CTNNA2: variants seen among roughly 807,000 people sequenced by gnomAD.
CTNNA2 encodes the protein catenin alpha 2, also known as catenin alpha-2.
Under a neutral mutation model 101.0 loss-of-function variants are expected in CTNNA2, and 42 were observed. The ratio of observed to expected loss-of-function variants is 0.42; its 90% CI spans 0.32 to 0.54. The LOEUF is 0.54. CTNNA2 is among the 20% of genes least tolerant of loss of function. The pLI is 0.14. For synonymous variants in CTNNA2, 450 were observed against 456.4 expected (o/e 0.99, Z 0.18); for missense variants, 871 against 1,223.1 (o/e 0.71, Z 4.29).
rs554096280 is a variant in CTNNA2 at position 79,323,694 on chromosome 2, T to C, written c.-318+10898T>C. Among the ~76,000 whole-genome samples the C allele has an allele frequency of 1.3e-4, 20 of 152,350 alleles. No homozygotes were observed. In the South Asian group the frequency reaches 3.9e-3, roughly 30 times the overall value. On this transcript the variant is annotated intron_variant, in intron 3 of 21. Transcript: ENST00000466387. ...TGGTTCTTCCCTTTTTAGTGATTGGTGCAGGATTAGGGATGTAATATACAA... is the reference window on the plus strand; with the variant it reads ...TGGTTCTTCCCTTTTTAGTGATTGGCGCAGGATTAGGGATGTAATATACAA...
At chr2:80,062,724 G>C (rs1287708248) in intron 7 of CTNNA2, among the ~76,000 whole-genome samples, 1 of 44,748 alleles carries the variant, frequency 2.2e-5, no homozygotes, top group Non-Finnish European at 4.7e-5. Flanking sequence ...TTTTTTTTTT[G>C]AGATGGAGTC....
In CTNNA2 at chr2:80,163,266, C is replaced by G. The variant is rs777480184; in HGVS notation, c.1057-229945C>G. 79 of 649,660 alleles carry G rather than the reference C, an allele frequency of 1.2e-4. 3 individuals carry two copies. In the Middle Eastern group the frequency reaches 2.1e-3, roughly 17 times the overall value. 40.2% of individuals were successfully genotyped at this position (649,660 alleles called of 1,614,324 possible). On this transcript the variant is annotated intron_variant, in intron 7 of 18. Coordinates refer to ENST00000402739, the MANE Select transcript of CTNNA2 (RefSeq NM_001282597.3). ...GATTGATTTTCCAATATTAAGCCAG[C>G]CTTGTATCCTTGATATAAACTCCAC...
At chr2:80,515,218 A>AT (rs968970701) in intron 9 of CTNNA2, among the ~76,000 whole-genome samples, 2 of 149,472 alleles carry the variant, frequency 1.3e-5, no homozygotes, top group Non-Finnish European at 3.0e-5. Context: ...TTCAAATAGG[A>AT]TTTTTTTCTT....
intron 7 of CTNNA2, among the ~76,000 whole-genome samples, chr2:79,929,742 G>A (rs1375075716): frequency 6.6e-6 from 1 of 152,134 alleles, no homozygotes; most frequent in Admixed American, 6.6e-5. Flanking sequence ...CAAGAAGCTG[G>A]TTTGAAAAAT....
chr2:79,675,285 T>G (rs1683107858), intron 2 of CTNNA2, among the ~76,000 whole-genome samples: 1 of 152,224 alleles, frequency 6.6e-6, no homozygotes. Context: ...TGGTATTGAT[T>G]CAAATTGTAC....
Position 79,852,524 on chromosome 2 carries a change from G to A in CTNNA2, c.299-5489G>A, listed in dbSNP as rs78662769. Among the ~76,000 whole-genome samples the A allele has an allele frequency of 4.0e-3, 607 of 152,232 alleles. 9 individuals carry two copies. Among genetic ancestry groups the A allele is most frequent in the East Asian group, 0.034 (174 of 5,178 alleles). On this transcript the variant is annotated intron_variant, in intron 3 of 18. Coordinates refer to ENST00000402739, the MANE Select transcript of CTNNA2 (RefSeq NM_001282597.3). ...CCAGTTTTCATCATTTGATTCCAGG[G>A]AGTAAGTCCAATACTTGCCATTGCT...
At chr2:80,157,312 G>C (rs1452426606) in intron 7 of CTNNA2, among the ~76,000 whole-genome samples, 7 of 152,182 alleles carry the variant, frequency 4.6e-5, no homozygotes, top group African/African-American at 1.7e-4. Flanking sequence ...GGCGTGGTTG[G>C]TGTGAGAAAG....
intron 1 of CTNNA2, among the ~76,000 whole-genome samples, chr2:79,646,524 C>CTTTTTTTTTTTTT (rs67454188): frequency 2.8e-5 from 3 of 106,138 alleles, no homozygotes; most frequent in Non-Finnish European, 3.6e-5. Flanking sequence ...TTCTTTCTGT[C>CTTTTTTTTTTTTT]TTTTTTTTTT....
At chr2:80,365,386 A>G (rs991616026) in intron 7 of CTNNA2, among the ~76,000 whole-genome samples, 3 of 152,158 alleles carry the variant, frequency 2.0e-5, no homozygotes, top group Non-Finnish European at 4.4e-5. Context: ...CTCACAGCTT[A>G]TATTTTAAAG....
chr2:79,934,794 A>G (rs928635508), intron 7 of CTNNA2, among the ~76,000 whole-genome samples: 6 of 152,248 alleles, frequency 3.9e-5, no homozygotes, highest in African/African-American at 1.4e-4. Flanking sequence ...ACCTAGCCCA[A>G]TGGCTTAAAT....
chr2:79,651,842 T>C (rs1034598448), intron 2 of CTNNA2, among the ~76,000 whole-genome samples, 184 bp downstream of exon 2: 1 of 152,196 alleles, frequency 6.6e-6, no homozygotes, highest in African/African-American at 2.4e-5. Flanking sequence ...AAGTGGCTTT[T>C]AAAAACTATT....
intron 13 of CTNNA2, among the ~76,000 whole-genome samples, chr2:80,576,934 G>A (rs756778039): frequency 6.6e-6 from 1 of 151,998 alleles, no homozygotes; most frequent in Non-Finnish European, 1.5e-5. Context: ...CCCAAACTGT[G>A]TATCAAGGTG....
chr2:79,979,911 A>G lies in CTNNA2; in HGVS notation c.1056+70114A>G, dbSNP rs75529682. 3.9e-3 allele frequency among the ~76,000 whole-genome samples: 601 copies of G among 152,292 alleles called. 1 individual carries two copies. Among genetic ancestry groups the G allele is most frequent in the African/African-American group, 0.013 (557 of 41,576 alleles). On this transcript the variant is annotated intron_variant, in intron 7 of 18. Coordinates refer to ENST00000402739, the MANE Select transcript of CTNNA2 (RefSeq NM_001282597.3). ...TTACGCAGTAGGAACTTAATTGTTC[A>G]TGGTACTGAGACATTGAAGCAGACA...
chr2:79,738,216 G>A (rs1186895822), intron 2 of CTNNA2, among the ~76,000 whole-genome samples: 1 of 152,086 alleles, frequency 6.6e-6, no homozygotes, highest in Admixed American at 6.6e-5. Context: ...TTTTCCACTG[G>A]CCAGTGTTCC....
intron 6 of CTNNA2, among the ~76,000 whole-genome samples, chr2:79,906,382 C>T (rs1394549974): frequency 3.3e-5 from 5 of 152,098 alleles, no homozygotes; most frequent in African/African-American, 4.8e-5. Flanking sequence ...CACAGGCCCA[C>T]GTGCACTGGC....
Position 80,343,970 on chromosome 2 carries a change from T to G in CTNNA2, c.1057-49241T>G, listed in dbSNP as rs149638282. Among the ~76,000 whole-genome samples, 475 of 152,244 alleles carry G rather than the reference T, an allele frequency of 3.1e-3. 2 individuals carry two copies. The highest frequency in any genetic ancestry group is 0.011 in the African/African-American group (451 of 41,562). On this transcript the variant is annotated intron_variant, in intron 7 of 18. Transcript: ENST00000402739. ...TTATCCCTTTGGTAACAAAACTTCT[T>G]AAGGGAAGAGCTATTCCAGTATTTG... is the stretch of plus-strand genomic sequence containing the variant.
intron 4 of CTNNA2, among the ~76,000 whole-genome samples, chr2:79,403,444 A>G (rs1040283877): frequency 2.6e-5 from 4 of 151,910 alleles, no homozygotes; most frequent in Non-Finnish European, 5.9e-5. Context: ...AACTGAACTA[A>G]CCATATTTTA....
Position 80,428,786 on chromosome 2 carries a change from C to G in CTNNA2, c.1290+9185C>G, listed in dbSNP as rs555097238. 2.0e-5 allele frequency among the ~76,000 whole-genome samples: 3 copies of G among 152,246 alleles called. No individual in the cohort carries two copies. The South Asian group carries it at 6.2e-4, about 32-fold the overall frequency. ...AACAACTATATTGATGATGATCATG[C>G]CACTGCACTTCAGCCTGGGTGACAG... On this transcript the variant is annotated intron_variant, in intron 9 of 18. Transcript: ENST00000402739.
At chr2:79,312,447 C>T (rs1321610002) in intron 2 of CTNNA2, among the ~76,000 whole-genome samples, 1 of 152,126 alleles carries the variant, frequency 6.6e-6, no homozygotes, top group Non-Finnish European at 1.5e-5. Context: ...TCTCATTTTT[C>T]ATTCATTCAT....
Sources: allele counts gnomAD v4.1 joint callset (sites outside exome capture counted in the v4.1 genomes callset), GRCh38; gene constraint gnomAD v4.1.1; transcripts MANE v1.5; gene names NCBI Gene and HGNC (gene_info 2026-07-23, HGNC 2026-07-21).